Variants in PNPLA5 observed in about 807,000 individuals in gnomAD.
PNPLA5 encodes the protein patatin like domain 5, triacylglycerol lipase.
A neutral mutation model predicts 49.1 loss-of-function variants in PNPLA5; 44 were observed. That is an observed-to-expected ratio of 0.90 (90% CI 0.70 to 1.15). PNPLA5 has a LOEUF of 1.15. Among genes scored for constraint, PNPLA5 ranks in the 50% most tolerant of loss-of-function variants. The pLI, the probability that PNPLA5 is intolerant of heterozygous loss-of-function variation, is 0.00. For synonymous variants in PNPLA5, 243 were observed against 244.4 expected, an observed-to-expected ratio of 0.99 and a Z score of 0.06; for missense variants, 603 against 564.0, an observed-to-expected ratio of 1.07 and a Z score of -0.70.
chr22:43,882,895 A>G (rs1603412259), intron 7 of PNPLA5, among the ~76,000 whole-genome samples: 1 of 151,872 alleles, frequency 6.6e-6, no homozygotes, highest in Non-Finnish European at 1.5e-5. Flanking sequence ...CCCCCATGAC[A>G]CCTCCCTGCT....
Position 43,880,042 on chromosome 22 carries a change from C to T in PNPLA5, c.*753G>A, listed in dbSNP as rs912393381. The T allele has an allele frequency of 6.7e-5, 12 of 178,164 alleles. No individual in the cohort carries two copies. The highest frequency in any genetic ancestry group is 2.1e-4 in the African/African-American group (9 of 42,596). 11.0% of individuals were successfully genotyped at this position (178,164 alleles called of 1,614,324 possible). On this transcript the variant is annotated 3_prime_UTR_variant, in exon 9 of 9. Coordinates refer to ENST00000216177, the MANE Select transcript of PNPLA5 (RefSeq NM_138814.4). ...CTGGCCGGGGGCACAGCATGGGTCC[C>T]GTGCTGCCAATGGGGAGAGCAGTGA...
At position 43,889,813 on chromosome 22, in the gene PNPLA5, C is replaced by CG. The variant is rs759870470; in HGVS notation, c.477dup (p.Glu160ArgfsTer47). On this transcript the variant is annotated frameshift_variant, in exon 3 of 9. Transcript: ENST00000216177. LOFTEE classifies it high-confidence loss of function. ...AGTGCACTCACCTCCCCTCTGAACT[C>CG]GGGGGGGATCAGCCCGCAGTAGAAA... is the stretch of plus-strand genomic sequence containing the variant. The CG allele has an allele frequency of 6.1e-5, 98 of 1,611,956 alleles. No homozygotes were observed. Among genetic ancestry groups the CG allele is most frequent in the Non-Finnish European group, 7.0e-5 (83 of 1,179,334 alleles).
rs1200690103 is a variant in PNPLA5 at position 43,880,153 on chromosome 22, A to G, written c.*642T>C. The G allele has an allele frequency of 8.6e-6, 3 of 348,960 alleles. No homozygotes were observed. Among genetic ancestry groups the G allele is most frequent in the Non-Finnish European group, 1.5e-5 (3 of 194,994 alleles). 21.6% of individuals were successfully genotyped at this position (348,960 alleles called of 1,614,324 possible). On this transcript the variant is annotated 3_prime_UTR_variant, in exon 9 of 9. Transcript: ENST00000216177. ...AGCTACGTCACAAACCTTCTGCAGGAATGAGGCTGTGGGGATAGCAGGGGC... is the reference window on the plus strand; with the variant it reads ...AGCTACGTCACAAACCTTCTGCAGGGATGAGGCTGTGGGGATAGCAGGGGC...
chr22:43,889,676 AG>A lies in PNPLA5; in HGVS notation c.492+122del, dbSNP rs1269608368. On this transcript the variant is annotated intron_variant, in intron 3 of 8. Transcript: ENST00000216177. ...AGGAGGCTGAACGCCCCCCAGGAGCAGGGGGAGGGCCTGGCACACAGTAGGT... is the reference window on the plus strand; with the variant it reads ...AGGAGGCTGAACGCCCCCCAGGAGCAGGGGAGGGCCTGGCACACAGTAGGT... 4 of 1,512,574 alleles carry A rather than the reference AG, an allele frequency of 2.6e-6. No individual in the cohort carries two copies. In the East Asian group the frequency reaches 9.2e-5, roughly 35 times the overall value. The allele number at this position is 1,512,574 out of a possible 1,614,324, so 93.7% of individuals were successfully genotyped here.
In PNPLA5 at chr22:43,880,879, C is replaced by A; in HGVS notation, c.1206G>T (p.Pro402=). The change falls in exon 9 of 9, where the codon CCG becomes CCT. Residue 402 remains proline (P), a synonymous_variant. Transcript: ENST00000216177. ...KAQLLGPISP[P]ATRVLETSPL... ...GGCTTGTTTCCAGGACGCGAGTGGC[C>A]GGAGGGCTGTGGAGGGAGGAGAAGC... 1 of 1,331,758 alleles carries A rather than the reference C, an allele frequency of 7.5e-7. No homozygotes were observed. The highest frequency in any genetic ancestry group is 9.7e-7 in the Non-Finnish European group (1 of 1,032,888). The allele number at this position is 1,331,758 out of a possible 1,614,324, so 82.5% of individuals were successfully genotyped here.
At position 43,886,415 on chromosome 22, in the gene PNPLA5, A is replaced by G. The variant is rs1329324044; in HGVS notation, c.837T>C (p.Asp279=). 2 of 1,614,024 alleles carry G rather than the reference A, an allele frequency of 1.2e-6. No homozygotes were observed. The highest frequency in any genetic ancestry group is 1.6e-4 in the Middle Eastern group (1 of 6,084). The part of the protein sequence containing the change: ...EPPAPADGNW[D]AGCDQRWKGG... ...CCTTCCAGCGTTGGTCACAGCCAGC[A>G]TCCCAGTTTCCGTCAGCCGGGGCTG... The change falls in exon 6 of 9, where the codon GAT becomes GAC. Residue 279 remains aspartate, a synonymous_variant. Coordinates refer to ENST00000216177, the MANE Select transcript of PNPLA5 (RefSeq NM_138814.4).
intron 4 of PNPLA5, chr22:43,887,861 C>A (rs2049682345): frequency 1.3e-6 from 1 of 752,056 alleles, no homozygotes; most frequent in Non-Finnish European, 1.6e-6. Context: ...CAGAACAGAT[C>A]TGCTTGGCTA....
At chr22:43,887,904 C>G (rs376874750) in intron 4 of PNPLA5, among the ~76,000 whole-genome samples, 9 of 152,234 alleles carry the variant, frequency 5.9e-5, no homozygotes, top group East Asian at 1.9e-4. Context: ...GCATCTCCCC[C>G]CTGAGACACC....
intron 1 of PNPLA5, 83 bp downstream of exon 1, chr22:43,891,605 C>T: frequency 6.9e-6 from 10 of 1,440,460 alleles, no homozygotes; most frequent in Non-Finnish European, 1.8e-6. Flanking sequence ...CAGAGCACAG[C>T]GCCAGGCACC....
rs1157082697 is a variant in PNPLA5, at chr22:43,886,456, C to A, written c.796G>T (p.Val266Leu). 5 of 1,613,830 alleles carry A rather than the reference C, an allele frequency of 3.1e-6. No homozygotes were observed. In the Admixed American group the frequency reaches 5.0e-5, roughly 16 times the overall value. Residue 266 changes from valine to leucine, a missense_variant, in exon 6 of 9, where the codon GTG becomes TTG. Transcript: ENST00000216177. ...LTKEPVLWTLVSKEPPAPADG... is the reference protein window; with the variant it reads ...LTKEPVLWTLLSKEPPAPADG... ...GCCGGGGCTGGGGGTTCCTTAGACA[C>A]CAGCGTCCATAGCACTGGTTCCTTG... is the stretch of plus-strand genomic sequence containing the variant.
chr22:43,884,436 C>T lies in PNPLA5; in HGVS notation c.950-91G>A. Reference sequence around the variant, plus strand: ...CCATTTCACACAGTAAGAGACTGCACCCCCTCCACCTTCTGCAGATGAAGA... The same window carrying T: ...CCATTTCACACAGTAAGAGACTGCATCCCCTCCACCTTCTGCAGATGAAGA... On this transcript the variant is annotated intron_variant, in intron 6 of 8. Coordinates refer to ENST00000216177, the MANE Select transcript of PNPLA5 (RefSeq NM_138814.4). 3.6e-6 allele frequency: 5 copies of T among 1,408,268 alleles called. No homozygotes were observed. The South Asian group carries it at 8.3e-5, about 23-fold the overall frequency. The allele number at this position is 1,408,268 out of a possible 1,614,324, so 87.2% of individuals were successfully genotyped here.
chr22:43,886,238 T>A, intron 6 of PNPLA5, 65 bp downstream of exon 6: 1 of 1,517,764 alleles, frequency 6.6e-7, no homozygotes, highest in Non-Finnish European at 8.9e-7. Flanking sequence ...CAAGGCAGGG[T>A]CCCTGAGCCC....
At chr22:43,882,949 C>T (rs1398607998) in intron 7 of PNPLA5, among the ~76,000 whole-genome samples, 1 of 152,230 alleles carries the variant, frequency 6.6e-6, no homozygotes, top group African/African-American at 2.4e-5. Flanking sequence ...ACAAAGACCA[C>T]GCTCAGCTGG....
At chr22:43,887,715 A>G (rs2049680549) in intron 4 of PNPLA5, 64 bp from the exon 5 acceptor site, 1 of 1,557,096 alleles carries the variant, frequency 6.4e-7, no homozygotes, top group African/African-American at 1.4e-5. Flanking sequence ...AGTGGATGTC[A>G]CAGGCCAGAG....
Position 43,881,602 on chromosome 22 carries a change from G to A in PNPLA5, c.1155C>T (p.Leu385=), listed in dbSNP as rs770203375. The change falls in exon 8 of 9, where the codon CTC becomes CTT. Residue 385 remains leucine, a synonymous_variant. Transcript: ENST00000216177. The part of the protein sequence containing the change: ...WMQGLLRNMA[L]EVFSRTKAQL... ...GGGCCTTGGTCCTGGAGAAAACCTC[G>A]AGGGCCATGTTCCTCAGCAGGCCCT... 1.9e-5 allele frequency: 30 copies of A among 1,612,026 alleles called. No homozygotes were observed. Among genetic ancestry groups the A allele is most frequent in the Admixed American group, 3.3e-5 (2 of 59,890 alleles).
At position 43,880,988 on chromosome 22, in the gene PNPLA5, C is replaced by T. The variant is rs558760556; in HGVS notation, c.1200-103G>A. 13 of 1,246,264 alleles carry T rather than the reference C, an allele frequency of 1.0e-5. No homozygotes were observed. The Middle Eastern group carries it at 8.7e-4, about 83-fold the overall frequency. The allele number at this position is 1,246,264 out of a possible 1,614,324, so 77.2% of individuals were successfully genotyped here. A position where few individuals can be genotyped will look rare whatever the true frequency, so the allele number is the denominator to read the frequency against. ...GCCACAGTGAACCCAGGTCACTCTT[C>T]CCCCAAATCCTGCTCTGAGGGAGGA... On this transcript the variant is annotated intron_variant, in intron 8 of 8. Transcript: ENST00000216177.
intron 5 of PNPLA5, among the ~76,000 whole-genome samples, 157 bp downstream of exon 5, chr22:43,887,434 C>G (rs941254605): frequency 2.0e-5 from 3 of 152,240 alleles, no homozygotes; most frequent in African/African-American, 4.8e-5. Flanking sequence ...TGATTCTTCT[C>G]TGAGTCCCCA....
chr22:43,887,591 C>G lies in PNPLA5; in HGVS notation c.763G>C (p.Gly255Arg), dbSNP rs747688990. The change falls in exon 5 of 9, where the codon GGA becomes CGA. Residue 255 changes from glycine to arginine, a missense_variant and splice_region_variant. Coordinates refer to ENST00000216177, the MANE Select transcript of PNPLA5 (RefSeq NM_138814.4). ...CAGCCACTGTGGGACTGCCACCTAC[C>G]ACGTCTCTCCAGGAACCTCAGGGCA... ...LDALRFLERRGLTKEPVLWTL... is the reference protein window; with the variant it reads ...LDALRFLERRRLTKEPVLWTL... 1 of 1,610,292 alleles carries G rather than the reference C, an allele frequency of 6.2e-7. No homozygotes were observed. Among genetic ancestry groups the G allele is most frequent in the Non-Finnish European group, 8.5e-7 (1 of 1,178,212 alleles).
intron 7 of PNPLA5, among the ~76,000 whole-genome samples, chr22:43,883,667 C>T (rs1023985573): frequency 2.0e-5 from 3 of 152,014 alleles, no homozygotes; most frequent in Admixed American, 6.6e-5. Flanking sequence ...AACAATTAGC[C>T]GGGCGTGGCG....
Sources: allele counts gnomAD v4.1 joint callset (sites outside exome capture counted in the v4.1 genomes callset), GRCh38; gene constraint gnomAD v4.1.1; transcripts MANE v1.5; gene names NCBI Gene and HGNC (gene_info 2026-07-23, HGNC 2026-07-21).